The following MPP7 variants were observed in gnomAD, a reference collection of about 807,000 sequenced individuals.
MPP7 encodes the protein MAGUK p55 subfamily member 7.
In MPP7, 60 loss-of-function variants were observed where a neutral mutation model predicts 76.5. The ratio of observed to expected loss-of-function variants is 0.78; its 90% CI spans 0.64 to 0.97. MPP7 has a LOEUF of 0.97. Ranked by LOEUF, MPP7 falls within the 50% of genes least tolerant of loss-of-function variation. MPP7 has a pLI of 0.00. For synonymous variants in MPP7, 237 were observed against 244.5 expected, an observed-to-expected ratio of 0.97 and a Z score of 0.29; for missense variants, 641 against 694.0, an observed-to-expected ratio of 0.92 and a Z score of 0.86.
intron 1 of MPP7, among the ~76,000 whole-genome samples, chr10:28,261,439 C>G (rs933160508): frequency 6.6e-6 from 1 of 152,188 alleles, no homozygotes; most frequent in African/African-American, 2.4e-5. Flanking sequence ...AAGATTTAAG[C>G]GAGGCAAACC....
At chr10:28,113,981 C>T (rs1421404884) in intron 11 of MPP7, among the ~76,000 whole-genome samples, 2 of 152,188 alleles carry the variant, frequency 1.3e-5, no homozygotes, top group Non-Finnish European at 2.9e-5. Flanking sequence ...GGGAGAGTCT[C>T]CTGCCAGGAG....
intron 2 of MPP7, among the ~76,000 whole-genome samples, chr10:28,314,854 T>C (rs1841309511): frequency 6.6e-6 from 1 of 152,124 alleles, no homozygotes; most frequent in Non-Finnish European, 1.5e-5. Flanking sequence ...AGTTTCTATT[T>C]TTAAGAAAAA....
Position 28,147,490 on chromosome 10 carries a change from T to A in MPP7, c.308A>T (p.Asn103Ile). The A allele has an allele frequency of 6.2e-7, 1 of 1,613,196 alleles. No homozygotes were observed. Among genetic ancestry groups the A allele is most frequent in the Non-Finnish European group, 8.5e-7 (1 of 1,179,114 alleles). Reference sequence around the variant, plus strand: ...GGCGTAACATGTCCTCACCTTCACATTGGGTTTTGACAGTAGTTTCAACAG... The same window carrying A: ...GGCGTAACATGTCCTCACCTTCACAATGGGTTTTGACAGTAGTTTCAACAG... The part of the protein sequence containing the change: ...RELLKLLSKP[N>I]VKALLSVHDT... The change falls in exon 5 of 17, where the codon AAT becomes ATT. Residue 103 changes from asparagine (N) to isoleucine (I), a missense_variant. Coordinates refer to ENST00000683449, the MANE Select transcript of MPP7 (RefSeq NM_001318170.2).
chr10:28,293,675 C>A (rs571256333), intron 1 of MPP7, among the ~76,000 whole-genome samples: 1 of 152,144 alleles, frequency 6.6e-6, no homozygotes, highest in Admixed American at 6.5e-5. Flanking sequence ...GGGGAGGGAG[C>A]GGAGCGGGGC....
In MPP7 at chr10:28,051,401, T is replaced by C. The variant is rs1333385554; in HGVS notation, c.*2664A>G. On this transcript the variant is annotated 3_prime_UTR_variant, in exon 17 of 17. Coordinates refer to ENST00000683449, the MANE Select transcript of MPP7 (RefSeq NM_001318170.2). ...TTAAAGATACCAAGAACTTCCATAT[T>C]GGTCAGTAAAATAAGGGTAAAAAAT... is the stretch of plus-strand genomic sequence containing the variant. 6.6e-6 allele frequency: 1 copy of C among 152,250 alleles called. No individual in the cohort carries two copies. Among genetic ancestry groups the C allele is most frequent in the Non-Finnish European group, 1.5e-5 (1 of 68,048 alleles). 9.4% of individuals were successfully genotyped at this position (152,250 alleles called of 1,614,324 possible).
chr10:28,322,380 AT>A (rs1174433579), intron 2 of MPP7, among the ~76,000 whole-genome samples: 2 of 152,150 alleles, frequency 1.3e-5, no homozygotes, highest in Admixed American at 1.3e-4. Flanking sequence ...TTCTAAAAAA[AT>A]AAAATAAAAT....
At chr10:28,178,032 T>C (rs1039403854) in intron 3 of MPP7, among the ~76,000 whole-genome samples, 1 of 152,202 alleles carries the variant, frequency 6.6e-6, no homozygotes, top group Non-Finnish European at 1.5e-5. Flanking sequence ...TCTCTCCTCC[T>C]GTAACCAACA....
intron 2 of MPP7, among the ~76,000 whole-genome samples, chr10:28,233,956 A>C (rs541756735): frequency 2.0e-5 from 3 of 151,898 alleles, no homozygotes; most frequent in Non-Finnish European, 2.9e-5. Context: ...GGAAGAGAGA[A>C]GAGAGAGGAA....
At chr10:28,120,089 G>T in intron 10 of MPP7, 105 bp downstream of exon 10, 1 of 1,247,120 alleles carries the variant, frequency 8.0e-7, no homozygotes, top group Non-Finnish European at 1.1e-6. Flanking sequence ...AAAATTCTAA[G>T]GCAAGGTTTT....
intron 1 of MPP7, among the ~76,000 whole-genome samples, chr10:28,300,547 G>A (rs1184924834): frequency 6.6e-6 from 1 of 152,194 alleles, no homozygotes; most frequent in Non-Finnish European, 1.5e-5. Context: ...CTGGGCTAGA[G>A]TGACAGCCTT....
chr10:28,167,406 T>C (rs914543616), intron 3 of MPP7, among the ~76,000 whole-genome samples: 5 of 151,850 alleles, frequency 3.3e-5, no homozygotes, highest in African/African-American at 1.2e-4. Context: ...CACTTATAAG[T>C]GGGAACTAAC....
chr10:28,169,538 C>A (rs1014485416), intron 3 of MPP7, among the ~76,000 whole-genome samples: 1 of 152,110 alleles, frequency 6.6e-6, no homozygotes, highest in Non-Finnish European at 1.5e-5. Flanking sequence ...AATTAATACA[C>A]GTTAGATAAT....
chr10:28,311,942 C>G (rs1350424447), intron 2 of MPP7, among the ~76,000 whole-genome samples: 2 of 151,944 alleles, frequency 1.3e-5, no homozygotes, highest in East Asian at 3.9e-4. Context: ...TTGCATTTAG[C>G]TTTTTTAAAA....
intron 5 of MPP7, among the ~76,000 whole-genome samples, chr10:28,146,928 G>A (rs1321741412): frequency 1.3e-5 from 2 of 152,158 alleles, no homozygotes; most frequent in Non-Finnish European, 2.9e-5. Flanking sequence ...GGAAAAATAA[G>A]TGATAAACTT....
chr10:28,308,458 T>C (rs1415167548), intron 2 of MPP7, among the ~76,000 whole-genome samples: 6 of 152,198 alleles, frequency 3.9e-5, no homozygotes, highest in Admixed American at 6.5e-5. Flanking sequence ...CAGAATTGCT[T>C]TCTTCAGAGA....
intron 12 of MPP7, among the ~76,000 whole-genome samples, chr10:28,086,715 G>A (rs906990500): frequency 6.6e-6 from 1 of 152,146 alleles, no homozygotes; most frequent in Non-Finnish European, 1.5e-5. Flanking sequence ...TTTTGAGGAG[G>A]CTGATTAAGG....
chr10:28,261,119 G>C (rs908973034), intron 1 of MPP7, among the ~76,000 whole-genome samples: 4 of 148,320 alleles, frequency 2.7e-5, no homozygotes, highest in African/African-American at 1.1e-4. Flanking sequence ...TATATACTTT[G>C]TCTCTGTAGT....
chr10:28,143,593 A>T (rs1015812736), intron 5 of MPP7, among the ~76,000 whole-genome samples: 3 of 151,662 alleles, frequency 2.0e-5, no homozygotes, highest in African/African-American at 7.2e-5. Flanking sequence ...TTGTGGATCA[A>T]ATGCTTTTCT....
At chr10:28,124,163 A>C in intron 7 of MPP7, 47 bp from the exon 8 acceptor site, 1 of 1,259,456 alleles carries the variant, frequency 7.9e-7, no homozygotes, top group Non-Finnish European at 1.2e-6. Flanking sequence ...CCCACAACCA[A>C]AACTGTAATT....
Sources: gnomAD v4.1 joint callset for allele counts (sites outside exome capture counted in the v4.1 genomes callset) on GRCh38, gnomAD v4.1.1 for gene constraint, MANE v1.5 for transcripts, NCBI Gene and HGNC (gene_info 2026-07-23, HGNC 2026-07-21) for gene names.